CNNM2: variants seen among roughly 807,000 people sequenced by gnomAD.
CNNM2 encodes the protein cyclin and CBS domain divalent metal cation transport mediator 2, also known as metal transporter CNNM2.
CNNM2 carries 12 observed loss-of-function variants against 66.9 expected under a neutral mutation model. The observed-to-expected ratio is 0.18, with a 90% CI of 0.11 to 0.29. CNNM2 has a LOEUF of 0.29. CNNM2 is among the 10% of genes least tolerant of loss of function. CNNM2 has a pLI of 1.00. For missense variants in CNNM2, 705 were observed against 1,167.7 expected, an observed-to-expected ratio of 0.60 and a Z score of 5.77; for synonymous variants, 557 against 501.8, an observed-to-expected ratio of 1.11 and a Z score of -1.47.
At chr10:103,055,263 C>G (rs2065277596) in intron 3 of CNNM2, among the ~76,000 whole-genome samples, 1 of 152,190 alleles carries the variant, frequency 6.6e-6, no homozygotes, top group Non-Finnish European at 1.5e-5. Context: ...ATCGGTGTCC[C>G]TGATAGGCAG....
At chr10:103,044,695 T>C (rs1564858635) in intron 1 of CNNM2, among the ~76,000 whole-genome samples, 1 of 152,224 alleles carries the variant, frequency 6.6e-6, no homozygotes, top group Non-Finnish European at 1.5e-5. Flanking sequence ...GTGTCATTGT[T>C]TTTCCTTTGT....
In CNNM2 at chr10:103,084,848, T is replaced by C. The variant is rs2065788534; in HGVS notation, c.*7668T>C. 1 of 152,114 alleles carries C rather than the reference T, an allele frequency of 6.6e-6. No individual in the cohort carries two copies. The allele number at this position is 152,114 out of a possible 1,614,324, so 9.4% of individuals were successfully genotyped here. On this transcript the variant is annotated 3_prime_UTR_variant, in exon 8 of 8. Coordinates refer to ENST00000369878, the MANE Select transcript of CNNM2 (RefSeq NM_017649.5). ...AAACTGACCTTTTTATAGCCTGGAG[T>C]TGATTTCTGGAAACTTATTTTATAC...
chr10:102,918,881 G>C lies in CNNM2; in HGVS notation c.401G>C (p.Gly134Ala). Residue 134 changes from glycine to alanine, a missense_variant, in exon 1 of 8, where the codon GGG becomes GCG. Gly to Ala is a moderately conservative substitution (Grantham distance 60). This residue lies in a region of CNNM2 where 100 missense variants were observed against 151.9 expected (regional missense o/e 0.66). Transcript: ENST00000369878. This position sits in a 1 kb window ranked among gnomAD's most constrained non-coding sequence, Gnocchi z 4.1. Reference protein sequence around the residue: ...ERRRHSPGERGLGGPAPPEPD... With the variant: ...ERRRHSPGERALGGPAPPEPD... ...CGGCGCCACAGCCCGGGGGAGCGCG[G>C]GCTGGGGGGCCCCGCGCCGCCAGAG... The C allele has an allele frequency of 6.2e-7, 1 of 1,608,610 alleles. No individual in the cohort carries two copies. The highest frequency in any genetic ancestry group is 8.5e-7 in the Non-Finnish European group (1 of 1,177,524).
intron 1 of CNNM2, among the ~76,000 whole-genome samples, chr10:103,047,908 T>C (rs1332409740): frequency 6.6e-6 from 1 of 152,110 alleles, no homozygotes; most frequent in Non-Finnish European, 1.5e-5. Flanking sequence ...CTCCCAAAAT[T>C]TTAATTTTCT....
At chr10:102,928,883 T>C (rs1016727312) in intron 1 of CNNM2, among the ~76,000 whole-genome samples, 1 of 152,224 alleles carries the variant, frequency 6.6e-6, no homozygotes, top group Admixed American at 6.5e-5. Context: ...TTGTTCTTGG[T>C]CATTCTCTTG....
At chr10:103,059,220 T>A (rs2065343537) in intron 4 of CNNM2, among the ~76,000 whole-genome samples, 1 of 152,152 alleles carries the variant, frequency 6.6e-6, no homozygotes, top group South Asian at 2.1e-4. Flanking sequence ...GTGATCCACC[T>A]GCCTTAGCCT....
At position 102,919,808 on chromosome 10, in the gene CNNM2, C is replaced by T. The variant is rs764757429; in HGVS notation, c.1328C>T (p.Thr443Ile). The change falls in exon 1 of 8, where the codon ACC (threonine) becomes ATC (isoleucine). Residue 443 changes from threonine to isoleucine, a missense_variant. By Grantham distance (89) the Thr-to-Ile change is moderately conservative (BLOSUM62 -1). Around this residue, in one of 9 missense-constraint regions of CNNM2, gnomAD observed 14 missense variants for 68.6 expected, o/e 0.20. Coordinates refer to ENST00000369878, the MANE Select transcript of CNNM2 (RefSeq NM_017649.5). ...NIIQGALELR[T>I]KTVEDVMTPL... is the part of the protein sequence containing the mutation. ...ATCCAAGGGGCGCTGGAGCTCCGCACCAAGACGGTGGAGGACGTGATGACC... is the reference window on the plus strand; with the variant it reads ...ATCCAAGGGGCGCTGGAGCTCCGCATCAAGACGGTGGAGGACGTGATGACC... 6.2e-7 allele frequency: 1 copy of T among 1,614,238 alleles called. No individual in the cohort carries two copies. The highest frequency in any genetic ancestry group is 8.5e-7 in the Non-Finnish European group (1 of 1,180,032).
At chr10:102,994,813 A>G (rs761090810) in intron 1 of CNNM2, among the ~76,000 whole-genome samples, 2 of 152,266 alleles carry the variant, frequency 1.3e-5, no homozygotes, top group Non-Finnish European at 2.9e-5. Context: ...CCTGTTTGCA[A>G]AGTAGCAGAA....
Position 102,918,536 on chromosome 10 carries a change from C to G in CNNM2, c.56C>G (p.Ala19Gly). The change falls in exon 1 of 8, where the codon GCC becomes GGC. Residue 19 changes from alanine to glycine, a missense_variant. Physicochemically the swap from Ala to Gly is moderately conservative, Grantham distance 60. This residue lies in a region of CNNM2 where 98 missense variants were observed against 73.6 expected (regional missense o/e 1.33). Transcript: ENST00000369878. This position sits in a 1 kb window ranked among gnomAD's most constrained non-coding sequence, Gnocchi z 4.1. ...GTAAAGATGGCGGGCGGGCAGGCAGCCGCCGCACTGCCCACTTGGAAGATG... is the reference window on the plus strand; with the variant it reads ...GTAAAGATGGCGGGCGGGCAGGCAGGCGCCGCACTGCCCACTTGGAAGATG... Reference protein sequence around the residue: ...PKVKMAGGQAAAALPTWKMAA... With the variant: ...PKVKMAGGQAGAALPTWKMAA... The G allele has an allele frequency of 6.2e-7, 1 of 1,602,974 alleles. No homozygotes were observed. Among genetic ancestry groups the G allele is most frequent in the Non-Finnish European group, 8.5e-7 (1 of 1,177,080 alleles).
chr10:103,056,662 C>T (rs753663175), intron 3 of CNNM2, 133 bp from the exon 4 acceptor site: 23 of 826,716 alleles, frequency 2.8e-5, no homozygotes, highest in Admixed American at 1.3e-4. Flanking sequence ...GATCACCAAA[C>T]GGAAGCCTCG....
At chr10:103,035,670 A>C (rs1010846411) in intron 1 of CNNM2, among the ~76,000 whole-genome samples, 1 of 152,220 alleles carries the variant, frequency 6.6e-6, no homozygotes, top group Admixed American at 6.5e-5. Flanking sequence ...TTCTGGCTAA[A>C]GTATCTGGCA....
chr10:103,057,805 C>T (rs1231924390), intron 4 of CNNM2, among the ~76,000 whole-genome samples: 3 of 152,210 alleles, frequency 2.0e-5, no homozygotes, highest in African/African-American at 7.2e-5. Context: ...CAGCCTCTTA[C>T]AGCAGAGTAG....
intron 1 of CNNM2, among the ~76,000 whole-genome samples, chr10:102,969,832 G>A (rs1421397500): frequency 1.3e-5 from 2 of 151,724 alleles, no homozygotes; most frequent in African/African-American, 4.8e-5. Context: ...TAGTGGAGAC[G>A]GGGTTTCTCC....
intron 1 of CNNM2, among the ~76,000 whole-genome samples, chr10:102,954,620 T>G (rs988856588): frequency 5.3e-5 from 8 of 152,148 alleles, no homozygotes; most frequent in South Asian, 2.1e-4. Context: ...CATCTTGGCC[T>G]CCTGGGTGAT....
intron 1 of CNNM2, among the ~76,000 whole-genome samples, chr10:102,993,952 A>G (rs926784879): frequency 6.7e-6 from 1 of 150,252 alleles, no homozygotes; most frequent in African/African-American, 2.5e-5. Context: ...TGTGTGTGTG[A>G]GTGTGACAGA....
intron 2 of CNNM2, among the ~76,000 whole-genome samples, chr10:103,053,793 ATAT>A (rs1222598237): frequency 3.3e-5 from 5 of 152,180 alleles, no homozygotes; most frequent in Admixed American, 2.0e-4. Context: ...TGAAGCAAAC[ATAT>A]TATTAAAACA....
At chr10:102,926,547 C>T (rs533942200) in intron 1 of CNNM2, among the ~76,000 whole-genome samples, 5 of 151,912 alleles carry the variant, frequency 3.3e-5, no homozygotes, top group Admixed American at 6.6e-5. Context: ...CCTGCTTTTA[C>T]TTATTTATTT....
intron 1 of CNNM2, among the ~76,000 whole-genome samples, chr10:102,920,662 G>A (rs1845595970): frequency 2.0e-5 from 3 of 151,338 alleles, no homozygotes; most frequent in Admixed American, 2.0e-4. Context: ...ATTGAGGTCT[G>A]CCTTTGAGGG....
intron 1 of CNNM2, among the ~76,000 whole-genome samples, chr10:102,973,522 T>G (rs1038037878): frequency 3.8e-4 from 57 of 151,548 alleles, no homozygotes; most frequent in African/African-American, 1.2e-3. Context: ...GTGTGTGTTT[T>G]TTTTTTTTTT....
Sources: gnomAD v4.1 joint callset for allele counts (sites outside exome capture counted in the v4.1 genomes callset) on GRCh38, gnomAD v4.1.1 for gene constraint, gnomAD v4.1.1 regional missense constraint, Gnocchi (gnomAD v3.1) non-coding constraint, MANE v1.5 for transcripts, NCBI Gene and HGNC (gene_info 2026-07-23, HGNC 2026-07-21) for gene names.